The following RBFOX1 variants were observed in gnomAD, a reference collection of about 807,000 sequenced individuals.
RBFOX1 encodes RNA binding protein fox-1 homolog 1.
A neutral mutation model predicts 57.7 loss-of-function variants in RBFOX1; 8 were observed. That is an observed-to-expected ratio of 0.14 (90% CI 0.08 to 0.25). The LOEUF is 0.25. RBFOX1 is among the 10% of genes least tolerant of loss of function. RBFOX1 has a pLI of 1.00. For synonymous variants in RBFOX1, 326 were observed against 222.4 expected (o/e 1.47, Z -4.15); for missense variants, 611 against 548.5 (o/e 1.11, Z -1.14).
intron 4 of RBFOX1, among the ~76,000 whole-genome samples, chr16:7,428,237 T>A (rs1414581878): frequency 6.6e-6 from 1 of 152,112 alleles, no homozygotes; most frequent in Non-Finnish European, 1.5e-5. Context: ...ACACCTAGCA[T>A]TGCTATTGGC....
At chr16:7,169,088 C>T (rs1344329382) in intron 4 of RBFOX1, among the ~76,000 whole-genome samples, 1 of 152,162 alleles carries the variant, frequency 6.6e-6, no homozygotes, top group Non-Finnish European at 1.5e-5. Context: ...GTAGGCAAAT[C>T]ATTCAGTGTC....
At chr16:5,492,471 C>T (rs1436160824) in intron 2 of RBFOX1, among the ~76,000 whole-genome samples, 1 of 152,144 alleles carries the variant, frequency 6.6e-6, no homozygotes, top group South Asian at 2.1e-4. Flanking sequence ...AAGCAGAATA[C>T]AGGATGTGTT....
intron 4 of RBFOX1, among the ~76,000 whole-genome samples, chr16:7,074,414 T>C (rs1348678267): frequency 2.0e-5 from 3 of 152,122 alleles, no homozygotes; most frequent in Non-Finnish European, 4.4e-5. Context: ...GCAATTATTT[T>C]GCATCAACCT....
intron 1 of RBFOX1, among the ~76,000 whole-genome samples, chr16:6,232,024 T>C (rs2097465523): frequency 6.6e-6 from 1 of 152,196 alleles, no homozygotes; most frequent in Non-Finnish European, 1.5e-5. Context: ...GTGTGATTAA[T>C]ATACAAAGAC....
chr16:5,355,861 C>G (rs1200750691), intron 1 of RBFOX1, among the ~76,000 whole-genome samples: 6 of 152,106 alleles, frequency 3.9e-5, no homozygotes, highest in Non-Finnish European at 2.9e-5. Context: ...GAGGCCGAGG[C>G]AGGTGAATCG....
intron 1 of RBFOX1, among the ~76,000 whole-genome samples, chr16:5,370,790 GCCTCTT>G (rs1483261546): frequency 1.3e-5 from 2 of 151,436 alleles, no homozygotes; most frequent in African/African-American, 4.9e-5. Context: ...AGCATGCCTG[GCCTCTT>G]CCTCTTCCTT....
At chr16:6,165,131 C>G (rs915216517) in intron 1 of RBFOX1, among the ~76,000 whole-genome samples, 1 of 152,066 alleles carries the variant, frequency 6.6e-6, no homozygotes, top group South Asian at 2.1e-4. Flanking sequence ...AATGTCCAAG[C>G]CTCAGCTTTG....
chr16:5,595,132 C>G (rs1200969456), intron 2 of RBFOX1, among the ~76,000 whole-genome samples: 2 of 152,004 alleles, frequency 1.3e-5, no homozygotes. Context: ...GGTGTCAGAG[C>G]AAGACTCCAT....
At chr16:6,981,478 C>T (rs773785712) in intron 3 of RBFOX1, among the ~76,000 whole-genome samples, 10 of 152,156 alleles carry the variant, frequency 6.6e-5, no homozygotes, top group Non-Finnish European at 1.3e-4. Context: ...ACCACAGATT[C>T]TTTATCCAGT....
intron 4 of RBFOX1, among the ~76,000 whole-genome samples, chr16:7,235,723 C>G (rs1264740595): frequency 1.3e-5 from 2 of 152,120 alleles, no homozygotes; most frequent in Non-Finnish European, 2.9e-5. Flanking sequence ...TTTTTCCTGC[C>G]TTGCAATTTA....
intron 1 of RBFOX1, among the ~76,000 whole-genome samples, chr16:6,094,258 A>T (rs774504484): frequency 1.3e-5 from 2 of 152,142 alleles, no homozygotes; most frequent in Non-Finnish European, 2.9e-5. Flanking sequence ...GCATTTTATC[A>T]TTCCCTGAGC....
chr16:7,321,901 A>G (rs994597302), intron 4 of RBFOX1, among the ~76,000 whole-genome samples: 14 of 152,176 alleles, frequency 9.2e-5, no homozygotes, highest in African/African-American at 2.9e-4. Context: ...CAGAGAGACC[A>G]TCTTGCAGCA....
Position 6,890,820 on chromosome 16 carries a change from C to T in RBFOX1, c.-15-161237C>T, listed in dbSNP as rs2065239837. ...TGTTCTGTGTGAAAAGTAACTGGAA[C>T]CATTTGTGTAGGTGAAAATAGCACT... is the stretch of plus-strand genomic sequence containing the variant. On this transcript the variant is annotated intron_variant, in intron 3 of 15. Coordinates refer to ENST00000550418, the MANE Select transcript of RBFOX1 (RefSeq NM_018723.4). Among the ~76,000 whole-genome samples the T allele has an allele frequency of 2.6e-5, 4 of 152,140 alleles. No homozygotes were observed. In the South Asian group the frequency reaches 8.3e-4, roughly 32 times the overall value.
At chr16:7,387,615 C>A (rs1343675434) in intron 4 of RBFOX1, among the ~76,000 whole-genome samples, 2 of 152,082 alleles carry the variant, frequency 1.3e-5, no homozygotes, top group Non-Finnish European at 2.9e-5. Flanking sequence ...TATGGTCAAG[C>A]ATTGCAAAAG....
chr16:7,307,051 AATTTT>A (rs1469032118), intron 4 of RBFOX1, among the ~76,000 whole-genome samples: 6 of 152,326 alleles, frequency 3.9e-5, no homozygotes, highest in East Asian at 1.9e-4. Flanking sequence ...CACTGAAAAC[AATTTT>A]ATTTTATAAT....
At chr16:7,302,907 C>T (rs529879867) in intron 4 of RBFOX1, among the ~76,000 whole-genome samples, 7 of 151,856 alleles carry the variant, frequency 4.6e-5, no homozygotes, top group Non-Finnish European at 8.8e-5. Flanking sequence ...TTTGCAAGAG[C>T]AGAATGTTAA....
intron 3 of RBFOX1, among the ~76,000 whole-genome samples, chr16:6,939,600 C>T (rs2077997654): frequency 6.6e-6 from 1 of 151,648 alleles, no homozygotes; most frequent in African/African-American, 2.4e-5. Context: ...CAACCTCTCC[C>T]TCCCAAGTTC....
intron 1 of RBFOX1, among the ~76,000 whole-genome samples, chr16:5,318,846 G>A (rs1362969806): frequency 6.6e-6 from 1 of 152,158 alleles, no homozygotes; most frequent in Non-Finnish European, 1.5e-5. Flanking sequence ...AAAGCAGAGA[G>A]TTGGGGTTGG....
chr16:6,695,421 AAAAAAAAAAAAAAAAAGGAAAGGAAG>A (rs975282492), intron 3 of RBFOX1, among the ~76,000 whole-genome samples: 1 of 92,548 alleles, frequency 1.1e-5, no homozygotes, highest in Non-Finnish European at 2.5e-5. Context: ...GTCAAAAAAA[AAAAAAAAAAAAAAAAAGGAAAGGAAG>A]GGAAAGGAAA....
Sources: allele counts gnomAD v4.1 joint callset (sites outside exome capture counted in the v4.1 genomes callset), GRCh38; gene constraint gnomAD v4.1.1; transcripts MANE v1.5; gene names NCBI Gene and HGNC (gene_info 2026-07-23, HGNC 2026-07-21).